SLC35D2: variants seen among roughly 807,000 people sequenced by gnomAD.
The protein encoded by SLC35D2 is nucleotide sugar transporter SLC35D2.
Under a neutral mutation model 41.8 loss-of-function variants are expected in SLC35D2, and 43 were observed. That is an observed-to-expected ratio of 1.03 (90% CI 0.81 to 1.33). The LOEUF (loss-of-function observed/expected upper bound fraction) is 1.33. SLC35D2 is among the 40% of genes most tolerant of loss of function. The pLI is 0.00. For synonymous variants in SLC35D2, 150 were observed against 163.9 expected (o/e 0.92, Z 0.65); for missense variants, 380 against 408.4 (o/e 0.93, Z 0.60).
intron 1 of SLC35D2, among the ~76,000 whole-genome samples, chr9:96,380,822 C>T (rs1157897177): frequency 1.3e-5 from 2 of 152,022 alleles, no homozygotes; most frequent in Non-Finnish European, 2.9e-5. Flanking sequence ...TCATTAGCTT[C>T]CATGTCAAAT....
intron 1 of SLC35D2, among the ~76,000 whole-genome samples, chr9:96,370,768 A>G (rs1384105502): frequency 6.6e-6 from 1 of 152,212 alleles, no homozygotes; most frequent in Admixed American, 6.6e-5. Flanking sequence ...ATGGAAGAGA[A>G]GGAAGTCTTG....
chr9:96,327,860 A>AATC (rs1275754920), intron 9 of SLC35D2, among the ~76,000 whole-genome samples: 1 of 150,720 alleles, frequency 6.6e-6, no homozygotes, highest in African/African-American at 2.4e-5. Context: ...GGGCTCAAGC[A>AATC]ATCCTCCCTC....
intron 3 of SLC35D2, among the ~76,000 whole-genome samples, chr9:96,363,230 G>A (rs375258134): frequency 1.1e-4 from 17 of 151,274 alleles, no homozygotes; most frequent in African/African-American, 4.1e-4. Context: ...CCAACTCCTG[G>A]CCTCAGACGA....
chr9:96,349,275 G>A lies in SLC35D2; in HGVS notation c.488+1828C>T, dbSNP rs1564106438. Among the ~76,000 whole-genome samples, 5 of 152,142 alleles carry A rather than the reference G, an allele frequency of 3.3e-5. 1 individual carries two copies. In the South Asian group the frequency reaches 1.0e-3, roughly 32 times the overall value. ...GGCAGACTTTAAAAATATAATGTCT[G>A]CCTCTCGGGTGCAAATTCCAAAGAG... On this transcript the variant is annotated intron_variant, in intron 6 of 11. Coordinates refer to ENST00000253270, the MANE Select transcript of SLC35D2 (RefSeq NM_007001.3).
chr9:96,364,610 A>G (rs1228255254), intron 2 of SLC35D2, 60 bp from the exon 3 acceptor site: 1 of 933,000 alleles, frequency 1.1e-6, no homozygotes, highest in African/African-American at 1.6e-5. Context: ...CTTGAGGTAC[A>G]ATGACATCAT....
intron 8 of SLC35D2, among the ~76,000 whole-genome samples, chr9:96,339,545 G>T (rs1243011711): frequency 2.6e-5 from 4 of 152,014 alleles, no homozygotes; most frequent in Non-Finnish European, 2.9e-5. Flanking sequence ...TTTTTAAAAA[G>T]AAATAATCAA....
At chr9:96,361,927 T>C (rs1002062518) in intron 3 of SLC35D2, among the ~76,000 whole-genome samples, 2 of 152,184 alleles carry the variant, frequency 1.3e-5, no homozygotes, top group African/African-American at 4.8e-5. Flanking sequence ...GGGGGTATTT[T>C]GTTACGGCAG....
intron 9 of SLC35D2, among the ~76,000 whole-genome samples, chr9:96,333,409 A>C (rs533521744): frequency 3.7e-4 from 56 of 150,674 alleles, no homozygotes; most frequent in Non-Finnish European, 5.9e-4. Flanking sequence ...ATCCTGGCTA[A>C]CACGGTGAAA....
intron 10 of SLC35D2, among the ~76,000 whole-genome samples, chr9:96,323,693 G>T (rs1206209391): frequency 6.6e-6 from 1 of 152,040 alleles, no homozygotes; most frequent in South Asian, 2.1e-4. Flanking sequence ...TTGGGAGGCC[G>T]AGGTGGGTGG....
exon 12 of SLC35D2, chr9:96,314,339 C>T (rs565595144): frequency 1.3e-5 from 2 of 152,230 alleles, no homozygotes; most frequent in South Asian, 4.1e-4. Context: ...GGAATCAACC[C>T]AAATGCCCAT....
intron 11 of SLC35D2, 151 bp downstream of exon 11, chr9:96,321,847 T>C: frequency 3.4e-6 from 2 of 589,828 alleles, no homozygotes; most frequent in Non-Finnish European, 6.1e-6. Context: ...AACCCAGTGA[T>C]GAAGTAAAAT....
At chr9:96,362,180 T>A (rs116082702) in intron 3 of SLC35D2, among the ~76,000 whole-genome samples, 91 of 152,240 alleles carry the variant, frequency 6.0e-4, no homozygotes, top group African/African-American at 2.0e-3. Flanking sequence ...TCCCTTTATC[T>A]CAAGTTTAAA....
rs562495778 is a variant in SLC35D2 at position 96,345,285 on chromosome 9, G to A, written c.591+14C>T. 8.9e-6 allele frequency: 13 copies of A among 1,468,726 alleles called. No individual in the cohort carries two copies. The South Asian group carries it at 1.2e-4, about 13-fold the overall frequency. The allele number at this position is 1,468,726 out of a possible 1,614,324, so 91.0% of individuals were successfully genotyped here. A position where few individuals can be genotyped will look rare whatever the true frequency, so the allele number is the denominator to read the frequency against. On this transcript the variant is annotated intron_variant, in intron 7 of 11. Transcript: ENST00000253270. Reference sequence around the variant, plus strand: ...AGATGACAGAGCCAAAAAGCCATAGGCAAGGTCTGGTACCTTTGGGTCCAT... The same window carrying A: ...AGATGACAGAGCCAAAAAGCCATAGACAAGGTCTGGTACCTTTGGGTCCAT...
At chr9:96,345,154 CA>C in intron 7 of SLC35D2, 144 bp downstream of exon 7, 1 of 539,736 alleles carries the variant, frequency 1.9e-6, no homozygotes, top group Non-Finnish European at 3.2e-6. Context: ...ATAACTTATA[CA>C]GACAAGATAA....
downstream of SLC35D2, among the ~76,000 whole-genome samples, chr9:96,317,306 A>G (rs938754618): frequency 6.6e-6 from 1 of 152,158 alleles, no homozygotes; most frequent in African/African-American, 2.4e-5. Context: ...AGGAAAAATT[A>G]TATCTGGAGA....
In SLC35D2 at chr9:96,383,477, C is replaced by A; in HGVS notation, c.158G>T (p.Gly53Val). 1.3e-6 allele frequency: 2 copies of A among 1,535,810 alleles called. No individual in the cohort carries two copies. The highest frequency in any genetic ancestry group is 1.8e-6 in the Non-Finnish European group (2 of 1,140,626). ...LVNKALLTTY[G>V]FPSPIFLGIG... The stretch of plus-strand genomic sequence containing the variant: ...CCCCCGGCCCCGGGCCCCGCCTCAC[C>A]CGTAGGTGGTCAGCAGCGCCTTGTT... The change falls in exon 1 of 12, where the codon GGT (glycine) becomes GTT (valine). Residue 53 changes from glycine to valine, a missense_variant and splice_region_variant. Physicochemically the swap from Gly to Val is moderately radical, Grantham distance 109. Transcript: ENST00000253270.
intron 6 of SLC35D2, chr9:96,350,884 C>T (rs1829782834): frequency 4.6e-6 from 2 of 436,476 alleles, no homozygotes; most frequent in African/African-American, 1.9e-5. Context: ...TAATATCTTG[C>T]AATGCTCTCT....
chr9:96,353,247 AGAAAAT>A (rs1197411120), intron 4 of SLC35D2, among the ~76,000 whole-genome samples: 2 of 152,238 alleles, frequency 1.3e-5, no homozygotes, highest in African/African-American at 4.8e-5. Flanking sequence ...AAATACTATT[AGAAAAT>A]GAATATTAAA....
intron 1 of SLC35D2, among the ~76,000 whole-genome samples, chr9:96,380,056 C>T (rs1034516416): frequency 1.3e-5 from 2 of 152,042 alleles, no homozygotes; most frequent in African/African-American, 2.4e-5. Context: ...GCCACCACAC[C>T]CAGCTAATAT....
Sources: allele counts gnomAD v4.1 joint callset (sites outside exome capture counted in the v4.1 genomes callset), GRCh38; gene constraint gnomAD v4.1.1; transcripts MANE v1.5; gene names NCBI Gene and HGNC (gene_info 2026-07-23, HGNC 2026-07-21).